KMT2D: variants seen among roughly 807,000 people sequenced by gnomAD.
KMT2D encodes lysine methyltransferase 2D.
Under a neutral mutation model 512.7 loss-of-function variants are expected in KMT2D, and 55 were observed. The observed-to-expected ratio is 0.11, with a 90% CI of 0.09 to 0.13. The LOEUF (loss-of-function observed/expected upper bound fraction) is 0.13, where lower values mean the gene tolerates loss of function less well. Among genes scored for constraint, KMT2D ranks in the 10% least tolerant of loss-of-function variants. The pLI, the probability that KMT2D is intolerant of heterozygous loss-of-function variation, is 1.00. For missense variants in KMT2D, 6,061 were observed against 7,127.9 expected, an observed-to-expected ratio of 0.85 and a Z score of 5.39; for synonymous variants, 2,995 against 2,904.0, an observed-to-expected ratio of 1.03 and a Z score of -1.01.
rs201481646 is a variant in KMT2D, at chr12:49,024,934, C to T, written c.15797G>A (p.Arg5266His). Reference protein sequence around the residue: ...TDASPQAVWNRIIEPVAAMRK... With the variant: ...TDASPQAVWNHIIEPVAAMRK... ...CATGGCAGCCACAGGCTCAATGATGCGATTCCACACGGCTAAGAAGCAGGG... is the reference window on the plus strand; with the variant it reads ...CATGGCAGCCACAGGCTCAATGATGTGATTCCACACGGCTAAGAAGCAGGG... Residue 5266 changes from arginine (R) to histidine (H), a missense_variant, in exon 50 of 55, where the codon CGC (arginine) becomes CAC (histidine). By Grantham distance (29) the Arg-to-His change is conservative. Transcript: ENST00000301067. This position sits in a 1 kb window ranked among gnomAD's most constrained non-coding sequence, Gnocchi z 4.5. 1,290 of 1,592,798 alleles carry T rather than the reference C, an allele frequency of 8.1e-4. 2 individuals carry two copies. Among genetic ancestry groups the T allele is most frequent in the Non-Finnish European group, 1.0e-3 (1,205 of 1,169,682 alleles).
rs1427649634 is a variant in KMT2D, at chr12:49,042,615, C to T, written c.5813G>A (p.Ser1938Asn). 1.2e-6 allele frequency: 2 copies of T among 1,613,818 alleles called. No homozygotes were observed. The highest frequency in any genetic ancestry group is 1.3e-5 in the African/African-American group (1 of 75,036). ...GCCTGGGTAGGAGTCCATTGGGCTG[C>T]TGGAGGGCAGATTGCCCAAAGGGAG... Reference protein sequence around the residue: ...GGLPLGNLPSSSPMDSYPGLC... With the variant: ...GGLPLGNLPSNSPMDSYPGLC... The change falls in exon 28 of 55, where the codon AGC (serine) becomes AAC (asparagine). Residue 1938 changes from serine to asparagine, a missense_variant. By Grantham distance (46) the Ser-to-Asn change is conservative. Coordinates refer to ENST00000301067, the MANE Select transcript of KMT2D (RefSeq NM_003482.4). The surrounding 1 kb of genome is among the most constrained non-coding windows in gnomAD (Gnocchi z 4.4).
rs562725761 is a variant in KMT2D, at chr12:49,029,924, G to A, written c.13999+356C>T. ...AGTGAGGAAACTGAGGCTCACACAA[G>A]TCAATCAAGTTACTTGGATACAGTA... is the stretch of plus-strand genomic sequence containing the variant. On this transcript the variant is annotated intron_variant, in intron 43 of 54. Coordinates refer to ENST00000301067, the MANE Select transcript of KMT2D (RefSeq NM_003482.4). 2.0e-5 allele frequency among the ~76,000 whole-genome samples: 3 copies of A among 152,296 alleles called. No individual in the cohort carries two copies. In the South Asian group the frequency reaches 6.2e-4, roughly 32 times the overall value.
chr12:49,021,548 G>A lies in KMT2D; in HGVS notation c.*232C>T. On this transcript the variant is annotated 3_prime_UTR_variant, in exon 55 of 55. Coordinates refer to ENST00000301067, the MANE Select transcript of KMT2D (RefSeq NM_003482.4). ...TCTGTCTGGCCCCTCCTGGAGCTGGGGGCAGAGATGCCAGCCTGAGGGCCG... is the reference window on the plus strand; with the variant it reads ...TCTGTCTGGCCCCTCCTGGAGCTGGAGGCAGAGATGCCAGCCTGAGGGCCG... The A allele has an allele frequency of 1.8e-6, 1 of 549,438 alleles. No individual in the cohort carries two copies. The highest frequency in any genetic ancestry group is 2.6e-5 in the South Asian group (1 of 38,882). 34.0% of individuals were successfully genotyped at this position (549,438 alleles called of 1,614,324 possible). A position where few individuals can be genotyped will look rare whatever the true frequency, so the allele number is the denominator to read the frequency against.
intron 37 of KMT2D, 21 bp from the exon 38 acceptor site, chr12:49,034,497 A>C: frequency 6.2e-7 from 1 of 1,613,276 alleles, no homozygotes; most frequent in Non-Finnish European, 8.5e-7. Context: ...AGAGGCTGCT[A>C]AAGGGTCATT....
chr12:49,033,181 G>T lies in KMT2D; in HGVS notation c.11524C>A (p.Gln3842Lys). 1 of 1,550,412 alleles carries T rather than the reference G, an allele frequency of 6.4e-7. No homozygotes were observed. Among genetic ancestry groups the T allele is most frequent in the South Asian group, 1.2e-5 (1 of 84,012 alleles). The change falls in exon 40 of 55, where the codon CAG becomes AAG. Residue 3842 changes from glutamine (Q) to lysine (K), a missense_variant. By Grantham distance (53) the Gln-to-Lys change is moderately conservative. Transcript: ENST00000301067. The part of the protein sequence containing the change: ...SRVLSSPQLA[Q>K]QGQGLMGHRL... ...TGTCCCATAAGGCCCTGACCCTGCT[G>T]TGCCAGCTGGGGGGAACTGAGCACC...
At position 49,054,166 on chromosome 12, in the gene KMT2D, G is replaced by T; in HGVS notation, c.511-26C>A. Reference sequence around the variant, plus strand: ...CTGCCAGGGTGAAAAAAGAGCCTCAGTGTCAGCCAGCTCTCCCCAGACAAA... The same window carrying T: ...CTGCCAGGGTGAAAAAAGAGCCTCATTGTCAGCCAGCTCTCCCCAGACAAA... On this transcript the variant is annotated intron_variant, in intron 5 of 54. Coordinates refer to ENST00000301067, the MANE Select transcript of KMT2D (RefSeq NM_003482.4). This position sits in a 1 kb window ranked among gnomAD's most constrained non-coding sequence, Gnocchi z 6.4. 1 of 1,568,158 alleles carries T rather than the reference G, an allele frequency of 6.4e-7. No individual in the cohort carries two copies. Among genetic ancestry groups the T allele is most frequent in the East Asian group, 2.3e-5 (1 of 42,812 alleles).
rs1938317391 is a variant in KMT2D, at chr12:49,054,937, C to T, written c.139G>A (p.Gly47Arg). 2 of 1,614,010 alleles carry T rather than the reference C, an allele frequency of 1.2e-6. No individual in the cohort carries two copies. Among genetic ancestry groups the T allele is most frequent in the Non-Finnish European group, 1.7e-6 (2 of 1,179,878 alleles). Residue 47 changes from glycine (G) to arginine (R), a missense_variant, in exon 3 of 55, where the codon GGG becomes AGG. Coordinates refer to ENST00000301067, the MANE Select transcript of KMT2D (RefSeq NM_003482.4). The surrounding 1 kb of genome is among the most constrained non-coding windows in gnomAD (Gnocchi z 6.4). ...HVGEVSVLSS[G>R]SPRLQETPQD... ...GGAGTCTCCTGAAGCCTGGGACTCC[C>T]AGAACTAAGGACAGAGACCTCTCCC...
intron 1 of KMT2D, 98 bp downstream of exon 1, chr12:49,059,515 C>T (rs1897642): frequency 6.5e-6 from 1 of 152,694 alleles, no homozygotes; most frequent in African/African-American, 2.4e-5. Flanking sequence ...CTGGCACCCC[C>T]TTCTCCAACC....
Position 49,053,313 on chromosome 12 carries a change from C to T in KMT2D, c.848G>A (p.Gly283Glu). 6.2e-7 allele frequency: 1 copy of T among 1,613,704 alleles called. No homozygotes were observed. Among genetic ancestry groups the T allele is most frequent in the Non-Finnish European group, 8.5e-7 (1 of 1,179,712 alleles). Residue 283 changes from glycine to glutamate, a missense_variant, in exon 8 of 55, where the codon GGG becomes GAG. Gly to Glu is a moderately conservative substitution (Grantham distance 98). Coordinates refer to ENST00000301067, the MANE Select transcript of KMT2D (RefSeq NM_003482.4). ...CKVCQACRKP[G>E]NDSKMLVCET... ...ACAAACCAACATCTTAGAGTCATTCCCAGGTTTCCTGCAGGTGCACATGGA... is the reference window on the plus strand; with the variant it reads ...ACAAACCAACATCTTAGAGTCATTCTCAGGTTTCCTGCAGGTGCACATGGA...
At position 49,044,209 on chromosome 12, in the gene KMT2D, G is replaced by A. The variant is rs1943677422; in HGVS notation, c.5179C>T (p.Pro1727Ser). 1 of 1,611,498 alleles carries A rather than the reference G, an allele frequency of 6.2e-7. No individual in the cohort carries two copies. The highest frequency in any genetic ancestry group is 2.2e-5 in the East Asian group (1 of 44,864). Residue 1727 changes from proline to serine, a missense_variant, in exon 22 of 55, where the codon CCC becomes TCC. Transcript: ENST00000301067. This position sits in a 1 kb window ranked among gnomAD's most constrained non-coding sequence, Gnocchi z 6.4. The stretch of plus-strand genomic sequence containing the variant: ...CCCTCACCCGTCTCACCCTCGTCGG[G>A]CTGCCCATCCCCACTCAACACCTCC... ...QAEVLSGDGQ[P>S]DEVIPADLPA...
rs1441796807 is a variant in KMT2D, at chr12:49,050,252, C to T, written c.3336G>A (p.Leu1112=). Residue 1112 remains leucine (L), a synonymous_variant, in exon 12 of 55, where the codon CTG becomes CTA. Transcript: ENST00000301067. ...SCPAPSPAPA[L]DDFSGLGEDT... The stretch of plus-strand genomic sequence containing the variant: ...CTTCCCCTAGGCCAGAGAAGTCATC[C>T]AGGGCTGGGGCAGGGCTGGGGGCGG... The T allele has an allele frequency of 1.2e-6, 2 of 1,612,654 alleles. No homozygotes were observed. Among genetic ancestry groups the T allele is most frequent in the Non-Finnish European group, 1.7e-6 (2 of 1,179,442 alleles).
rs1291336676 is a variant in KMT2D at position 49,034,064 on chromosome 12, C to G, written c.10740+3G>C. ...TGCTAGGCTGAAGTTTGCTTTCCCC[C>G]ACCTGATCCAGTTGTTTCTGGATCT... On this transcript the variant is annotated splice_donor_region_variant and intron_variant, in intron 39 of 54. Transcript: ENST00000301067. 8.1e-6 allele frequency: 13 copies of G among 1,611,164 alleles called. No individual in the cohort carries two copies. Among genetic ancestry groups the G allele is most frequent in the Middle Eastern group, 1.6e-4 (1 of 6,062 alleles).
Position 49,032,841 on chromosome 12 carries a change from AGCTGCTGTT to A in KMT2D, c.11855_11863del (p.Gln3952_Gln3954del), listed in dbSNP as rs765742357. On this transcript the variant is annotated inframe_deletion, in exon 40 of 55. Coordinates refer to ENST00000301067, the MANE Select transcript of KMT2D (RefSeq NM_003482.4). ...CTGTTGTTGTTGCTGTTGCTGTTGT[AGCTGCTGTT>A]GCTGCTGTTGAAGCTGTTGCTGCTG... 90 of 1,549,904 alleles carry A rather than the reference AGCTGCTGTT, an allele frequency of 5.8e-5. No individual in the cohort carries two copies. Among genetic ancestry groups the A allele is most frequent in the Middle Eastern group, 1.9e-4 (1 of 5,162 alleles).
chr12:49,040,948 C>T lies in KMT2D; in HGVS notation c.6822G>A (p.Ser2274=), dbSNP rs1385576342. 1.1e-5 allele frequency: 18 copies of T among 1,612,678 alleles called. No homozygotes were observed. Among genetic ancestry groups the T allele is most frequent in the East Asian group, 8.9e-5 (4 of 44,872 alleles). ...GGGKASEPLL[S]PPPFGESRKA... ...TCCGGGACTCCCCAAAAGGTGGGGG[C>T]GAGAGCAGGGGCTCGGAAGCTTTGC... The change falls in exon 32 of 55, where the codon TCG becomes TCA. Residue 2274 remains serine, a synonymous_variant. Coordinates refer to ENST00000301067, the MANE Select transcript of KMT2D (RefSeq NM_003482.4).
rs1261991508 is a variant in KMT2D, at chr12:49,031,747, G to T, written c.12958C>A (p.Pro4320Thr). The T allele has an allele frequency of 6.2e-7, 1 of 1,613,234 alleles. No individual in the cohort carries two copies. The highest frequency in any genetic ancestry group is 2.2e-5 in the East Asian group (1 of 44,862). ...PPSSPQEPKR[P>T]SQLPSPSSQL... is the part of the protein sequence containing the mutation. ...GAGCTGGGGGAAGGTAATTGTGAAGGTCTCTTTGGCTCTTGAGGGCTGGAT... is the reference window on the plus strand; with the variant it reads ...GAGCTGGGGGAAGGTAATTGTGAAGTTCTCTTTGGCTCTTGAGGGCTGGAT... Residue 4320 changes from proline to threonine, a missense_variant, in exon 40 of 55, where the codon CCT becomes ACT. By Grantham distance (38) the Pro-to-Thr change is conservative. Around this residue, in one of 16 missense-constraint regions of KMT2D, gnomAD observed 1,600 missense variants for 1,754.9 expected, o/e 0.91. Transcript: ENST00000301067.
chr12:49,035,019 C>A (rs2120463507), intron 35 of KMT2D, 84 bp from the exon 36 acceptor site: 1 of 1,538,640 alleles, frequency 6.5e-7, no homozygotes, highest in Non-Finnish European at 8.9e-7. Context: ...ATCCTGACTT[C>A]AACCACGCCA....
Position 49,042,716 on chromosome 12 carries a change from T to A in KMT2D, c.5782+25A>T. Reference sequence around the variant, plus strand: ...GGAGGCAAGCTTGGTTATGTCAGTCTTCAGACCACTCCCACCTGTATTACC... The same window carrying A: ...GGAGGCAAGCTTGGTTATGTCAGTCATCAGACCACTCCCACCTGTATTACC... On this transcript the variant is annotated intron_variant, in intron 27 of 54. Coordinates refer to ENST00000301067, the MANE Select transcript of KMT2D (RefSeq NM_003482.4). This position sits in a 1 kb window ranked among gnomAD's most constrained non-coding sequence, Gnocchi z 4.4. The A allele has an allele frequency of 1.2e-6, 2 of 1,610,698 alleles. No individual in the cohort carries two copies. Among genetic ancestry groups the A allele is most frequent in the African/African-American group, 1.3e-5 (1 of 74,878 alleles).
rs936579266 is a variant in KMT2D at position 49,044,078 on chromosome 12, C to G, written c.5189-80G>C. On this transcript the variant is annotated intron_variant, in intron 22 of 54. Transcript: ENST00000301067. The surrounding 1 kb of genome is among the most constrained non-coding windows in gnomAD (Gnocchi z 6.4). ...TGCAGGGTGACACTTTGTGCCTACTCTCTCCCACAACACCAGCTGGGTCTA... is the reference window on the plus strand; with the variant it reads ...TGCAGGGTGACACTTTGTGCCTACTGTCTCCCACAACACCAGCTGGGTCTA... 8.1e-6 allele frequency: 13 copies of G among 1,599,170 alleles called. No homozygotes were observed. The highest frequency in any genetic ancestry group is 1.0e-5 in the Non-Finnish European group (12 of 1,171,958).
In KMT2D at chr12:49,026,636, G is replaced by A. The variant is rs2120361084; in HGVS notation, c.15330C>T (p.Pro5110=). The part of the protein sequence containing the change: ...ATSSCNRMRC[P]NVYHFACAIR... Reference sequence around the variant, plus strand: ...TGGCACAAGCAAAATGGTAGACATTGGGGCAACGCATGCGATTGCAGCTGC... The same window carrying A: ...TGGCACAAGCAAAATGGTAGACATTAGGGCAACGCATGCGATTGCAGCTGC... Residue 5110 remains proline (P), a synonymous_variant, in exon 49 of 55, where the codon CCC becomes CCT. Transcript: ENST00000301067. The surrounding 1 kb of genome is among the most constrained non-coding windows in gnomAD (Gnocchi z 9.6). 1 of 1,614,040 alleles carries A rather than the reference G, an allele frequency of 6.2e-7. No homozygotes were observed. The highest frequency in any genetic ancestry group is 1.1e-5 in the South Asian group (1 of 91,090).
Sources: allele counts gnomAD v4.1 joint callset (sites outside exome capture counted in the v4.1 genomes callset), GRCh38; gene constraint gnomAD v4.1.1; regional missense constraint gnomAD v4.1.1; non-coding constraint Gnocchi (gnomAD v3.1); transcripts MANE v1.5; gene names NCBI Gene and HGNC (gene_info 2026-07-23, HGNC 2026-07-21).